Variants in CD8A observed in about 807,000 individuals in gnomAD.
CD8A encodes the protein CD8 subunit alpha, also known as T-cell surface glycoprotein CD8 alpha chain.
A neutral mutation model predicts 24.2 loss-of-function variants in CD8A; 25 were observed. The observed-to-expected ratio is 1.03, with a 90% CI of 0.75 to 1.44. CD8A has a LOEUF of 1.44. Ranked by LOEUF, CD8A falls within the 40% of genes most tolerant of loss-of-function variation. CD8A has a pLI of 0.00. For synonymous variants in CD8A, 165 were observed against 149.9 expected (o/e 1.10, Z -0.74); for missense variants, 360 against 319.7 (o/e 1.13, Z -0.96).
At chr2:86,786,809 A>G (rs2104428252) in intron 5 of CD8A, among the ~76,000 whole-genome samples, 1 of 152,078 alleles carries the variant, frequency 6.6e-6, no homozygotes, top group South Asian at 2.1e-4. Flanking sequence ...TCACGAGGTC[A>G]GGAGATCGAG....
Position 86,790,562 on chromosome 2 carries a change from G to A in CD8A, c.169C>T (p.Leu57Phe), listed in dbSNP as rs986711829. The A allele has an allele frequency of 2.5e-6, 4 of 1,613,098 alleles. No homozygotes were observed. The highest frequency in any genetic ancestry group is 1.7e-5 in the Admixed American group (1 of 60,000). ...LSNPTSGCSW[L>F]FQPRGAAASP... ...GCGGCGGCGCCGCGCGGCTGGAAGA[G>A]CCACGAGCAGCCCGACGTCGGGTTG... Residue 57 changes from leucine to phenylalanine, a missense_variant, in exon 2 of 6, where the codon CTC becomes TTC. Coordinates refer to ENST00000283635, the MANE Select transcript of CD8A (RefSeq NM_001768.7).
At chr2:86,804,590 T>A (rs1275917832) in intron 2 of CD8A, among the ~76,000 whole-genome samples, 3 of 152,070 alleles carry the variant, frequency 2.0e-5, no homozygotes, top group Admixed American at 1.3e-4. Context: ...TTATGTGTAT[T>A]TTGCCACAAT....
At chr2:86,794,880 C>T (rs1317994953), upstream of CD8A, among the ~76,000 whole-genome samples, 1 of 152,168 alleles carries the variant, frequency 6.6e-6, no homozygotes, top group East Asian at 1.9e-4. Context: ...GACCCTAGTC[C>T]TTTCCACTTC....
intron 3 of CD8A, among the ~76,000 whole-genome samples, chr2:86,799,698 G>A (rs1231582631): frequency 6.6e-6 from 1 of 152,100 alleles, no homozygotes; most frequent in African/African-American, 2.4e-5. Context: ...GGAGCTTCCA[G>A]TGAGCCAAGA....
chr2:86,789,117 C>T (rs998785528), intron 4 of CD8A, among the ~76,000 whole-genome samples: 1 of 152,212 alleles, frequency 6.6e-6, no homozygotes, highest in African/African-American at 2.4e-5. Context: ...GGCTTTGTCT[C>T]CCAAAACCTC....
rs1161497580 is a variant in CD8A at position 86,789,856 on chromosome 2, C to T, written c.404-106G>A. 18 of 640,918 alleles carry T rather than the reference C, an allele frequency of 2.8e-5. No individual in the cohort carries two copies. In the East Asian group the frequency reaches 4.8e-4, roughly 17 times the overall value. The allele number at this position is 640,918 out of a possible 1,614,324, so 39.7% of individuals were successfully genotyped here. A position where few individuals can be genotyped will look rare whatever the true frequency, so the allele number is the denominator to read the frequency against. ...CACGGGGACGCCTCCCCCCGGTTTT[C>T]CTGGGAGAAGGGATAGCAGAGGAGA... is the stretch of plus-strand genomic sequence containing the variant. On this transcript the variant is annotated intron_variant, in intron 2 of 5. Coordinates refer to ENST00000283635, the MANE Select transcript of CD8A (RefSeq NM_001768.7).
chr2:86,790,906 G>T lies in CD8A; in HGVS notation c.-81C>A, dbSNP rs955282672. The T allele has an allele frequency of 2.5e-5, 34 of 1,342,924 alleles. No homozygotes were observed. The highest frequency in any genetic ancestry group is 3.5e-5 in the Non-Finnish European group (34 of 970,876). The allele number at this position is 1,342,924 out of a possible 1,614,324, so 83.2% of individuals were successfully genotyped here. ...CGGGAGCCGGTGGGGCGCCGAGGGG[G>T]GAAAGTTGCGCCCTTCGGCCGGCCC... On this transcript the variant is annotated 5_prime_UTR_variant, in exon 1 of 6. Coordinates refer to ENST00000283635, the MANE Select transcript of CD8A (RefSeq NM_001768.7).
intron 3 of CD8A, among the ~76,000 whole-genome samples, chr2:86,796,888 T>C (rs569981756): frequency 1.3e-5 from 2 of 152,134 alleles, no homozygotes; most frequent in African/African-American, 2.4e-5. Flanking sequence ...TCCTTACTCC[T>C]CCCAACTTCC....
chr2:86,804,833 C>G (rs544021831), intron 2 of CD8A, among the ~76,000 whole-genome samples: 1 of 133,202 alleles, frequency 7.5e-6, no homozygotes, highest in African/African-American at 2.9e-5. Flanking sequence ...GACAGAGTCT[C>G]GCTCTGTCAC....
intron 2 of CD8A, among the ~76,000 whole-genome samples, chr2:86,806,716 C>T (rs1673915207): frequency 6.6e-6 from 1 of 152,160 alleles, no homozygotes; most frequent in African/African-American, 2.4e-5. Context: ...CCCCATCCTC[C>T]GGCTTGCACC....
rs75127573 is a variant in CD8A at position 86,790,541 on chromosome 2, C to T, written c.190G>A (p.Ala64Thr). 21 of 1,613,228 alleles carry T rather than the reference C, an allele frequency of 1.3e-5. No individual in the cohort carries two copies. Among genetic ancestry groups the T allele is most frequent in the Non-Finnish European group, 1.8e-5 (21 of 1,179,906 alleles). ...TATAGGAGGAAGGTGGGACTGGCGG[C>T]GGCGCCGCGCGGCTGGAAGAGCCAC... is the stretch of plus-strand genomic sequence containing the variant. ...CSWLFQPRGA[A>T]ASPTFLLYLS... Residue 64 changes from alanine (A) to threonine (T), a missense_variant, in exon 2 of 6, where the codon GCC becomes ACC. Coordinates refer to ENST00000283635, the MANE Select transcript of CD8A (RefSeq NM_001768.7).
At position 86,804,047 on chromosome 2, in the gene CD8A, C is replaced by T. The variant is rs568512938; in HGVS notation, c.-417-2390G>A. Among the ~76,000 whole-genome samples the T allele has an allele frequency of 9.2e-5, 14 of 152,190 alleles. No homozygotes were observed. In the South Asian group the frequency reaches 2.9e-3, roughly 32 times the overall value. On this transcript the variant is annotated intron_variant, in intron 2 of 8. Coordinates refer to the CD8A transcript ENST00000409511. ...TATTCCAGGATTTTTGCTAGATGAG[C>T]ATAGTTGCTTTTGCTACAGGAGGAA...
intron 2 of CD8A, among the ~76,000 whole-genome samples, chr2:86,804,007 T>A (rs920560132): frequency 6.6e-6 from 1 of 152,200 alleles, no homozygotes; most frequent in African/African-American, 2.4e-5. Flanking sequence ...AAGACTACAA[T>A]TAATAATAGC....
chr2:86,789,535 C>A, intron 3 of CD8A, 102 bp from the exon 4 acceptor site: 1 of 1,340,664 alleles, frequency 7.5e-7, no homozygotes. Flanking sequence ...CGGTTTCCCA[C>A]CACTTGGACA....
At position 86,784,701 on chromosome 2, in the gene CD8A, CAT is replaced by C. The variant is rs1349658113; in HGVS notation, c.*1217_*1218del. On this transcript the variant is annotated 3_prime_UTR_variant, in exon 6 of 6. Transcript: ENST00000283635. ...TACAACCCTATTTAAAAAAGAAAGA[CAT>C]ATTTTACATGTATGTGTAGAAAATA... 2.2e-6 allele frequency: 1 copy of C among 451,310 alleles called. No individual in the cohort carries two copies. The highest frequency in any genetic ancestry group is 4.4e-6 in the Non-Finnish European group (1 of 225,204). 28.0% of individuals were successfully genotyped at this position (451,310 alleles called of 1,614,324 possible). A position where few individuals can be genotyped will look rare whatever the true frequency, so the allele number is the denominator to read the frequency against.
In CD8A at chr2:86,785,521, C is replaced by A. The variant is rs1327961785; in HGVS notation, c.*399G>T. 2 of 467,716 alleles carry A rather than the reference C, an allele frequency of 4.3e-6. No individual in the cohort carries two copies. Among genetic ancestry groups the A allele is most frequent in the Admixed American group, 4.7e-5 (2 of 42,896 alleles). The allele number at this position is 467,716 out of a possible 1,614,324, so 29.0% of individuals were successfully genotyped here. ...AGGTCCCTCCAGCTACTGCTCCAAC[C>A]CTGACTTGCTGTGTGCCTTTGATCA... On this transcript the variant is annotated 3_prime_UTR_variant, in exon 6 of 6. Coordinates refer to ENST00000283635, the MANE Select transcript of CD8A (RefSeq NM_001768.7).
At chr2:86,787,546 C>T (rs921969170) in intron 5 of CD8A, among the ~76,000 whole-genome samples, 2 of 152,112 alleles carry the variant, frequency 1.3e-5, no homozygotes, top group Non-Finnish European at 2.9e-5. Flanking sequence ...GGACAAATCA[C>T]TAAATGTTCT....
intron 4 of CD8A, among the ~76,000 whole-genome samples, chr2:86,789,093 G>C (rs1673147874): frequency 6.6e-6 from 1 of 152,212 alleles, no homozygotes; most frequent in Non-Finnish European, 1.5e-5. Flanking sequence ...CCGCTGCAGC[G>C]GCTCTGGGAA....
chr2:86,799,532 G>A (rs930779144), intron 3 of CD8A, among the ~76,000 whole-genome samples: 7 of 152,042 alleles, frequency 4.6e-5, no homozygotes, highest in Non-Finnish European at 7.4e-5. Context: ...CGAGGTGGGC[G>A]GATCACGAAG....
Sources: gnomAD v4.1 joint callset for allele counts (sites outside exome capture counted in the v4.1 genomes callset) on GRCh38, gnomAD v4.1.1 for gene constraint, MANE v1.5 for transcripts, NCBI Gene and HGNC (gene_info 2026-07-23, HGNC 2026-07-21) for gene names.